The following SRPX2 variants were observed in gnomAD, a reference collection of about 807,000 sequenced individuals.
SRPX2 encodes sushi repeat-containing protein SRPX2.
Under a neutral mutation model 45.3 loss-of-function variants are expected in SRPX2, and 26 were observed. The ratio of observed to expected loss-of-function variants is 0.57; its 90% CI spans 0.42 to 0.80. The LOEUF (loss-of-function observed/expected upper bound fraction) is 0.80. SRPX2 is among the 30% of genes least tolerant of loss of function. The pLI, the probability that SRPX2 is intolerant of heterozygous loss-of-function variation, is 0.00. For synonymous variants in SRPX2, 125 were observed against 143.7 expected (o/e 0.87, Z 0.93); for missense variants, 355 against 399.8 (o/e 0.89, Z 0.95).
intron 3 of SRPX2, among the ~76,000 whole-genome samples, chrX:100,654,749 T>C (rs915953818): frequency 9.0e-6 from 1 of 111,659 alleles, no homozygotes. Context: ...ATCTCTTTCA[T>C]CAAAAATTAA....
At chrX:100,653,930 T>C (rs1210319597) in intron 3 of SRPX2, among the ~76,000 whole-genome samples, 1 of 112,625 alleles carries the variant, frequency 8.9e-6, no homozygotes, top group Middle Eastern at 4.2e-3. Flanking sequence ...TTTAACTGTA[T>C]TCCTGTATTT....
intron 3 of SRPX2, among the ~76,000 whole-genome samples, chrX:100,659,808 T>TTTC (rs397935953): frequency 9.6e-6 from 1 of 103,780 alleles, no homozygotes; most frequent in African/African-American, 3.6e-5. Flanking sequence ...TTTTTTTTTT[T>TTTC]CCCCCTTAGG....
Position 100,664,913 on chromosome X carries a change from A to T in SRPX2, c.495A>T (p.Glu165Asp), listed in dbSNP as rs754686566. The T allele has an allele frequency of 8.3e-7, 1 of 1,209,403 alleles. No individual in the cohort carries two copies. Among genetic ancestry groups the T allele is most frequent in the African/African-American group, 1.7e-5 (1 of 57,388 alleles). Residue 165 changes from glutamate (E) to aspartate (D), a missense_variant, in exon 5 of 11, where the codon GAA becomes GAT. Coordinates refer to ENST00000373004, the MANE Select transcript of SRPX2 (RefSeq NM_014467.3). ...LEGDRSRICM[E>D]DGRWSGGEPV... is the part of the protein sequence containing the mutation. ...GTGATCGCAGCCGAATCTGCATGGA[A>T]GATGGGAGATGGAGTGGAGGCGAGC...
At chrX:100,667,085 T>A in intron 8 of SRPX2, 152 bp downstream of exon 8, 1 of 983,887 alleles carries the variant, frequency 1.0e-6, no homozygotes, top group Non-Finnish European at 1.4e-6. Flanking sequence ...CATTCCCCCG[T>A]AGACTACTCC....
chrX:100,657,537 G>A (rs1025931900), intron 3 of SRPX2, among the ~76,000 whole-genome samples: 6 of 105,803 alleles, frequency 5.7e-5, no homozygotes, highest in Non-Finnish European at 1.2e-4. Flanking sequence ...TTTTAGTAGA[G>A]ACGGGATTTC....
chrX:100,662,236 A>G lies in SRPX2; in HGVS notation c.224A>G (p.Lys75Arg). The change falls in exon 4 of 11, where the codon AAG becomes AGG. Residue 75 changes from lysine to arginine, a missense_variant. Coordinates refer to ENST00000373004, the MANE Select transcript of SRPX2 (RefSeq NM_014467.3). ...GGAGAAGCCACATGCTACTCACCGA[A>G]GGGAGGAAATTATCACAGCAGCCTG... ...QDGEATCYSP[K>R]GGNYHSSLGT... The G allele has an allele frequency of 1.7e-6, 2 of 1,211,862 alleles. No homozygotes were observed. Among genetic ancestry groups the G allele is most frequent in the African/African-American group, 3.5e-5 (2 of 57,797 alleles).
intron 3 of SRPX2, among the ~76,000 whole-genome samples, chrX:100,659,796 G>C (rs201475848): frequency 1.2e-4 from 1 of 8,271 alleles, no homozygotes; most frequent in Non-Finnish European, 4.1e-4. Flanking sequence ...TTTTTTCAAA[G>C]CTTTTTTTTT....
intron 9 of SRPX2, among the ~76,000 whole-genome samples, chrX:100,667,810 C>T (rs771569270): frequency 1.0e-3 from 117 of 112,417 alleles, no homozygotes; most frequent in African/African-American, 3.6e-3. Context: ...GGGTTTTACA[C>T]ATATTCATCC....
At chrX:100,652,866 A>G (rs1024114430) in intron 3 of SRPX2, among the ~76,000 whole-genome samples, 3 of 110,868 alleles carry the variant, frequency 2.7e-5, no homozygotes, top group Admixed American at 9.6e-5. Context: ...AGCACCCACT[A>G]ACTCCTAAAC....
intron 3 of SRPX2, among the ~76,000 whole-genome samples, chrX:100,656,104 G>A (rs1182855611): frequency 9.1e-6 from 1 of 109,836 alleles, no homozygotes; most frequent in Non-Finnish European, 1.9e-5. Context: ...CAGGTGATCC[G>A]CCTGCCTCGG....
chrX:100,648,746 G>A (rs1301298027), intron 2 of SRPX2, among the ~76,000 whole-genome samples: 1 of 112,110 alleles, frequency 8.9e-6, no homozygotes, highest in East Asian at 2.8e-4. Context: ...TGTAATTCTG[G>A]AATGATGTAA....
chrX:100,664,369 CCT>C (rs1426429439), intron 4 of SRPX2, among the ~76,000 whole-genome samples: 2 of 111,137 alleles, frequency 1.8e-5, no homozygotes, highest in Non-Finnish European at 3.8e-5. Flanking sequence ...TACAGCCTCC[CCT>C]GTTGTCAACA....
At chrX:100,661,933 G>GTTTTTTTTTTT (rs771852530) in intron 3 of SRPX2, among the ~76,000 whole-genome samples, 1 of 59,698 alleles carries the variant, frequency 1.7e-5, no homozygotes, top group African/African-American at 7.1e-5. Flanking sequence ...TCGAGGTGGG[G>GTTTTTTTTTTT]TTTTTTTTTT....
intron 10 of SRPX2, among the ~76,000 whole-genome samples, chrX:100,669,722 T>C (rs1045337090): frequency 2.0e-4 from 22 of 108,030 alleles, no homozygotes; most frequent in Non-Finnish European, 3.6e-4. Context: ...GCTCTTGTTT[T>C]CTGGCCTCAT....
Position 100,671,867 on chromosome X carries a change from G to A in SRPX2, c.*880G>A, listed in dbSNP as rs983726936. On this transcript the variant is annotated 3_prime_UTR_variant, in exon 11 of 11. Transcript: ENST00000373004. ...GAGCTTGGTAAGATGTATCCAATCA[G>A]AGCAGAATGTTCTCTGGGGCCCTCC... 1 of 112,110 alleles carries A rather than the reference G, an allele frequency of 8.9e-6. No individual in the cohort carries two copies. Among genetic ancestry groups the A allele is most frequent in the Non-Finnish European group, 1.9e-5 (1 of 53,237 alleles). 9.2% of individuals were successfully genotyped at this position (112,110 alleles called of 1,213,427 possible). A position where few individuals can be genotyped will look rare whatever the true frequency, so the allele number is the denominator to read the frequency against.
intron 3 of SRPX2, 26 bp from the exon 4 acceptor site, chrX:100,662,150 A>T: frequency 8.3e-7 from 1 of 1,201,121 alleles, no homozygotes; most frequent in Non-Finnish European, 1.1e-6. Flanking sequence ...CTATACTTCT[A>T]GCTTGCCTTT....
chrX:100,662,389 G>A, intron 4 of SRPX2, 22 bp downstream of exon 4: 1 of 1,209,708 alleles, frequency 8.3e-7, no homozygotes, highest in Non-Finnish European at 1.1e-6. Context: ...GTGTGCATAT[G>A]CTGATGTATG....
chrX:100,669,411 TGGGGC>T, intron 10 of SRPX2, 42 bp downstream of exon 10: 1 of 16,854 alleles, frequency 5.9e-5, no homozygotes, highest in Admixed American at 9.9e-4. Context: ...GAGGGGGGGC[TGGGGC>T]GGGGGGAGAA....
intron 5 of SRPX2, 37 bp from the exon 6 acceptor site, chrX:100,665,206 G>A: frequency 1.7e-6 from 2 of 1,207,079 alleles, no homozygotes; most frequent in Admixed American, 2.2e-5. Context: ...GAAAGCAAGG[G>A]GCCCACGAGT....
Sources: gnomAD v4.1 joint callset for allele counts (sites outside exome capture counted in the v4.1 genomes callset) on GRCh38, gnomAD v4.1.1 for gene constraint, MANE v1.5 for transcripts, NCBI Gene and HGNC (gene_info 2026-07-23, HGNC 2026-07-21) for gene names.